FRMD4A: variants seen among roughly 807,000 people sequenced by gnomAD.
FRMD4A encodes the protein FERM domain containing 4A.
FRMD4A carries 29 observed loss-of-function variants against 129.1 expected under a neutral mutation model. That is an observed-to-expected ratio of 0.22 (90% CI 0.17 to 0.31). The LOEUF (loss-of-function observed/expected upper bound fraction) is 0.31, where lower values mean the gene tolerates loss of function less well. Ranked by LOEUF, FRMD4A falls within the 10% of genes least tolerant of loss-of-function variation. The probability of loss-of-function intolerance (pLI) is 1.00; values close to 1 mark genes in which losing one functional copy is unlikely to be tolerated. For synonymous variants in FRMD4A, 634 were observed against 571.6 expected (o/e 1.11, Z -1.56); for missense variants, 1,272 against 1,375.8 (o/e 0.92, Z 1.19).
At chr10:13,941,279 C>T (rs1172132893) in intron 2 of FRMD4A, among the ~76,000 whole-genome samples, 1 of 152,140 alleles carries the variant, frequency 6.6e-6, no homozygotes, top group East Asian at 1.9e-4. Flanking sequence ...ACCCCTTTTG[C>T]TTGGCTCCCA....
chr10:13,956,567 G>C (rs983006447), intron 2 of FRMD4A, among the ~76,000 whole-genome samples: 3 of 152,222 alleles, frequency 2.0e-5, no homozygotes, highest in Non-Finnish European at 4.4e-5. Flanking sequence ...GTAAATGGTG[G>C]AGTTGGAGTA....
chr10:14,260,837 T>C (rs1359965980), intron 2 of FRMD4A, among the ~76,000 whole-genome samples: 2 of 152,160 alleles, frequency 1.3e-5, no homozygotes, highest in African/African-American at 2.4e-5. Flanking sequence ...CCTGGATGCT[T>C]CCCCAAGGAC....
chr10:14,171,035 T>C (rs1371486973), intron 2 of FRMD4A, among the ~76,000 whole-genome samples: 2 of 264 alleles, frequency 7.6e-3, no homozygotes, highest in African/African-American at 0.034. Context: ...TGTTTATTTG[T>C]TTGTTTTTTG....
chr10:13,737,370 G>A (rs1381523798), intron 12 of FRMD4A, among the ~76,000 whole-genome samples: 1 of 152,178 alleles, frequency 6.6e-6, no homozygotes, highest in Admixed American at 6.5e-5. Flanking sequence ...GATTACAGGC[G>A]TGAGCCAGCG....
chr10:14,330,306 G>GAA, intron 1 of FRMD4A, 123 bp from the exon 2 acceptor site: 4 of 453,982 alleles, frequency 8.8e-6, no homozygotes, highest in East Asian at 3.4e-5. Flanking sequence ...TGCTTAGGGA[G>GAA]GAAAAAAAAA....
chr10:14,222,197 A>T (rs925192758), intron 2 of FRMD4A, among the ~76,000 whole-genome samples: 1 of 152,224 alleles, frequency 6.6e-6, no homozygotes, highest in Non-Finnish European at 1.5e-5. Flanking sequence ...TTCTTTGTGC[A>T]TATAAATCAG....
At chr10:13,845,566 C>G (rs947866253) in intron 3 of FRMD4A, among the ~76,000 whole-genome samples, 1 of 152,148 alleles carries the variant, frequency 6.6e-6, no homozygotes, top group African/African-American at 2.4e-5. Flanking sequence ...ATTTTACACA[C>G]GAGGTAGCAA....
intron 2 of FRMD4A, among the ~76,000 whole-genome samples, chr10:14,170,140 T>C (rs1297906796): frequency 1.3e-5 from 2 of 152,220 alleles, no homozygotes; most frequent in African/African-American, 4.8e-5. Flanking sequence ...TGACTATACA[T>C]ATTTTATTCT....
chr10:14,117,509 A>C (rs915793435), intron 2 of FRMD4A, among the ~76,000 whole-genome samples: 5 of 152,164 alleles, frequency 3.3e-5, no homozygotes, highest in African/African-American at 1.2e-4. Context: ...TGAGATTCTC[A>C]CTTAGAATTT....
At chr10:13,771,475 A>C (rs963953808) in intron 6 of FRMD4A, among the ~76,000 whole-genome samples, 1 of 152,246 alleles carries the variant, frequency 6.6e-6, no homozygotes, top group Non-Finnish European at 1.5e-5. Flanking sequence ...ATTTGTTCTC[A>C]GTGCAGTGTA....
chr10:14,029,760 A>G (rs1833148793), intron 2 of FRMD4A, among the ~76,000 whole-genome samples: 1 of 151,622 alleles, frequency 6.6e-6, no homozygotes, highest in South Asian at 2.1e-4. Context: ...GAGCAAAACC[A>G]CTGGCTTTTA....
At chr10:14,123,524 T>C (rs1318100758) in intron 2 of FRMD4A, among the ~76,000 whole-genome samples, 1 of 152,192 alleles carries the variant, frequency 6.6e-6, no homozygotes, top group Non-Finnish European at 1.5e-5. Flanking sequence ...AGGCTCAAGC[T>C]CCTGGGTAGA....
rs545837582 is a variant in FRMD4A at position 13,645,320 on chromosome 10, T to C, written c.*1718A>G. The C allele has an allele frequency of 7.9e-5, 12 of 151,788 alleles. No homozygotes were observed. The highest frequency in any genetic ancestry group is 1.3e-4 in the Non-Finnish European group (9 of 67,984). 9.4% of individuals were successfully genotyped at this position (151,788 alleles called of 1,614,324 possible). ...CTCCTGTCCCTGGCTGTCAATGCCT[T>C]TCCAATAGGAAGTCATTAGAGTGAG... On this transcript the variant is annotated 3_prime_UTR_variant, in exon 25 of 25. Transcript: ENST00000357447.
At chr10:14,270,845 T>C (rs888851125) in intron 2 of FRMD4A, among the ~76,000 whole-genome samples, 15 of 152,232 alleles carry the variant, frequency 9.9e-5, no homozygotes, top group African/African-American at 3.6e-4. Flanking sequence ...TCACTCCTAA[T>C]ACTAAACACT....
intron 2 of FRMD4A, among the ~76,000 whole-genome samples, chr10:13,975,251 G>C (rs967853423): frequency 1.1e-4 from 17 of 150,904 alleles, no homozygotes; most frequent in African/African-American, 3.9e-4. Flanking sequence ...CTATCTCTGA[G>C]CCTCTATGTA....
intron 2 of FRMD4A, among the ~76,000 whole-genome samples, chr10:13,896,729 T>C (rs994983989): frequency 6.6e-6 from 1 of 151,872 alleles, no homozygotes; most frequent in African/African-American, 2.4e-5. Context: ...ACTTGATGAA[T>C]AAAATAAAAT....
rs147229010 is a variant in FRMD4A, at chr10:14,192,044, G to C, written c.45+138014C>G. Among the ~76,000 whole-genome samples the C allele has an allele frequency of 9.7e-3, 1,475 of 152,246 alleles. 28 individuals carry two copies. The highest frequency in any genetic ancestry group is 0.033 in the African/African-American group (1,367 of 41,534). On this transcript the variant is annotated intron_variant, in intron 2 of 24. Coordinates refer to ENST00000357447, the MANE Select transcript of FRMD4A (RefSeq NM_018027.5). Reference sequence around the variant, plus strand: ...TCTTAACTGACCACACTTTAAGCCAGAGTTGCTAATAATCAACAATTCTGA... The same window carrying C: ...TCTTAACTGACCACACTTTAAGCCACAGTTGCTAATAATCAACAATTCTGA...
At chr10:13,828,752 G>C (rs570943849) in intron 3 of FRMD4A, among the ~76,000 whole-genome samples, 1 of 152,060 alleles carries the variant, frequency 6.6e-6, no homozygotes, top group Non-Finnish European at 1.5e-5. Context: ...GGCTGCTCTT[G>C]AACTTCTGAC....
chr10:13,670,285 G>C, intron 17 of FRMD4A, 121 bp downstream of exon 17: 2 of 974,344 alleles, frequency 2.1e-6, no homozygotes, highest in Non-Finnish European at 1.6e-6. Context: ...GAAAAGGTAT[G>C]AGCGAAAATA....
Sources: allele counts gnomAD v4.1 joint callset (sites outside exome capture counted in the v4.1 genomes callset), GRCh38; gene constraint gnomAD v4.1.1; transcripts MANE v1.5; gene names NCBI Gene and HGNC (gene_info 2026-07-23, HGNC 2026-07-21).